The following LTBP2 variants were observed in gnomAD, a reference collection of about 807,000 sequenced individuals.
LTBP2 encodes the protein latent-transforming growth factor beta-binding protein 2.
In LTBP2, 103 loss-of-function variants were observed where a neutral mutation model predicts 210.6. That is an observed-to-expected ratio of 0.49 (90% confidence interval 0.42 to 0.58). The LOEUF is 0.58. LTBP2 is among the 20% of genes least tolerant of loss of function. The pLI is 0.00. For missense variants in LTBP2, 2,313 were observed against 2,494.5 expected (o/e 0.93, Z 1.55); for synonymous variants, 1,007 against 1,015.0 (o/e 0.99, Z 0.15).
chr14:74,571,129 C>G (rs139905554), intron 3 of LTBP2, among the ~76,000 whole-genome samples: 67 of 151,650 alleles, frequency 4.4e-4, no homozygotes, highest in African/African-American at 1.5e-3. Flanking sequence ...GTCAGGAGTT[C>G]GATACCAGCC....
chr14:74,593,361 G>C (rs1174757562), intron 2 of LTBP2, among the ~76,000 whole-genome samples: 1 of 152,198 alleles, frequency 6.6e-6, no homozygotes. Flanking sequence ...CAGGAGGATT[G>C]GTTTGGTTTG....
At chr14:74,579,895 C>T (rs370409068) in intron 3 of LTBP2, among the ~76,000 whole-genome samples, 16 of 152,092 alleles carry the variant, frequency 1.1e-4, no homozygotes, top group South Asian at 2.1e-4. Context: ...CGATTGTAGA[C>T]GTAAAGCAAA....
At chr14:74,540,944 AT>A (rs1555350227) in intron 8 of LTBP2, among the ~76,000 whole-genome samples, 178 of 24,284 alleles carry the variant, frequency 7.3e-3, no homozygotes, top group South Asian at 0.02. Flanking sequence ...ATATATATAT[AT>A]TTTTTATATA....
chr14:74,596,631 G>A (rs1252453277), intron 2 of LTBP2, among the ~76,000 whole-genome samples: 1 of 152,226 alleles, frequency 6.6e-6, no homozygotes, highest in Non-Finnish European at 1.5e-5. Flanking sequence ...GGAGAGCTGT[G>A]ACAGGGCCCT....
At chr14:74,561,823 C>T (rs1350272419) in intron 3 of LTBP2, among the ~76,000 whole-genome samples, 2 of 152,094 alleles carry the variant, frequency 1.3e-5, no homozygotes, top group Non-Finnish European at 2.9e-5. Context: ...AGATAGAATA[C>T]AGACCATATC....
At chr14:74,539,092 A>G (rs1488075920) in intron 8 of LTBP2, among the ~76,000 whole-genome samples, 1 of 152,268 alleles carries the variant, frequency 6.6e-6, no homozygotes, top group Admixed American at 6.5e-5. Flanking sequence ...AAAGAGACCA[A>G]GTGCACATTT....
In LTBP2 at chr14:74,507,188, C is replaced by A; in HGVS notation, c.3898G>T (p.Asp1300Tyr). The A allele has an allele frequency of 1.2e-6, 2 of 1,614,196 alleles. No individual in the cohort carries two copies. Among genetic ancestry groups the A allele is most frequent in the Non-Finnish European group, 1.7e-6 (2 of 1,180,024 alleles). Reference protein sequence around the residue: ...QPGFHMAPNGDCIDIDECAND... With the variant: ...QPGFHMAPNGYCIDIDECAND... ...CTCCCTCCCTACTCACCAATGCAGT[C>A]TCCGTTCGGGGCCATGTGGAAGCCA... Residue 1300 changes from aspartate to tyrosine, a missense_variant, in exon 26 of 36, where the codon GAC (aspartate) becomes TAC (tyrosine). Coordinates refer to ENST00000261978, the MANE Select transcript of LTBP2 (RefSeq NM_000428.3).
At chr14:74,611,408 G>A (rs2088605573) in intron 1 of LTBP2, 43 bp downstream of exon 1, 5 of 1,417,724 alleles carry the variant, frequency 3.5e-6, no homozygotes, top group African/African-American at 1.5e-5. Flanking sequence ...AATGAGCCCT[G>A]GCTCCCCTCT....
intron 15 of LTBP2, 109 bp downstream of exon 15, chr14:74,525,015 G>T: frequency 1.8e-6 from 1 of 544,606 alleles, no homozygotes; most frequent in East Asian, 3.1e-5. Context: ...TTACCTAGTT[G>T]GAAAGGTGAG....
In LTBP2 at chr14:74,500,249, C is replaced by T. The variant is rs1340759970; in HGVS notation, c.*635G>A. 4.2e-6 allele frequency: 1 copy of T among 237,212 alleles called. No homozygotes were observed. The highest frequency in any genetic ancestry group is 8.3e-6 in the Non-Finnish European group (1 of 120,446). 14.7% of individuals were successfully genotyped at this position (237,212 alleles called of 1,614,324 possible). ...CTTCTTCATTTGTGTCTCTTACATT[C>T]AACAAGCTAATATCAGCCTTGCTTC... is the stretch of plus-strand genomic sequence containing the variant. On this transcript the variant is annotated 3_prime_UTR_variant, in exon 36 of 36. Coordinates refer to ENST00000261978, the MANE Select transcript of LTBP2 (RefSeq NM_000428.3).
intron 18 of LTBP2, among the ~76,000 whole-genome samples, chr14:74,515,692 A>T (rs2087125749): frequency 6.6e-6 from 1 of 152,154 alleles, no homozygotes; most frequent in South Asian, 2.1e-4. Context: ...TGAGGACCTA[A>T]CCCAGACACC....
At chr14:74,526,238 T>C in intron 13 of LTBP2, 124 bp from the exon 14 acceptor site, 1 of 953,570 alleles carries the variant, frequency 1.0e-6, no homozygotes. Flanking sequence ...TTTCATTCAT[T>C]CCAGGTATTG....
Position 74,552,178 on chromosome 14 carries a change from G to A in LTBP2, c.1399+9C>T, listed in dbSNP as rs192136515. 103 of 1,589,588 alleles carry A rather than the reference G, an allele frequency of 6.5e-5. 1 individual carries two copies. Among genetic ancestry groups the A allele is most frequent in the Middle Eastern group, 3.7e-4 (2 of 5,396 alleles). On this transcript the variant is annotated intron_variant, in intron 6 of 35. Coordinates refer to ENST00000261978, the MANE Select transcript of LTBP2 (RefSeq NM_000428.3). ...AGGGTCCCGCCGGCCCAGCTGTGCC[G>A]GCACTCACCCAGCTGGTTGGAGAGC... is the stretch of plus-strand genomic sequence containing the variant.
At chr14:74,514,418 A>G (rs2087109446) in intron 18 of LTBP2, among the ~76,000 whole-genome samples, 1 of 152,192 alleles carries the variant, frequency 6.6e-6, no homozygotes, top group Non-Finnish European at 1.5e-5. Context: ...CAAAGGGCCC[A>G]TGGCAACAAT....
At chr14:74,525,273 C>T in intron 14 of LTBP2, 48 bp from the exon 15 acceptor site, 1 of 1,104,216 alleles carries the variant, frequency 9.1e-7, no homozygotes, top group Non-Finnish European at 1.2e-6. Flanking sequence ...CCTTGGCTGG[C>T]CATGGCCCTT....
At chr14:74,538,045 G>A (rs1446520234) in intron 8 of LTBP2, among the ~76,000 whole-genome samples, 2 of 152,172 alleles carry the variant, frequency 1.3e-5, no homozygotes, top group African/African-American at 2.4e-5. Flanking sequence ...ATGAGCCACC[G>A]CACCCAGCCT....
chr14:74,570,337 C>G (rs1274294215), intron 3 of LTBP2, among the ~76,000 whole-genome samples: 1 of 152,152 alleles, frequency 6.6e-6, no homozygotes, highest in African/African-American at 2.4e-5. Context: ...GCTTATTGAA[C>G]AGCAAACACA....
rs1377734470 is a variant in LTBP2 at position 74,509,157 on chromosome 14, G to GC, written c.3403+80dup. On this transcript the variant is annotated intron_variant, in intron 22 of 35. Transcript: ENST00000261978. Reference sequence around the variant, plus strand: ...GATGGCAGCTCCTCCAGCCTCAGCAGCCCCCCACCTGCTGGGCTTCACCAT... The same window carrying GC: ...GATGGCAGCTCCTCCAGCCTCAGCAGCCCCCCCACCTGCTGGGCTTCACCAT... 12 of 1,605,028 alleles carry GC rather than the reference G, an allele frequency of 7.5e-6. No homozygotes were observed. The East Asian group carries it at 1.6e-4, about 21-fold the overall frequency.
chr14:74,551,445 GC>G, intron 6 of LTBP2, 95 bp from the exon 7 acceptor site: 1 of 1,242,820 alleles, frequency 8.0e-7, no homozygotes, highest in Non-Finnish European at 1.1e-6. Flanking sequence ...GGCCAGGCAG[GC>G]CACTGGCTAT....
Sources: gnomAD v4.1 joint callset for allele counts (sites outside exome capture counted in the v4.1 genomes callset) on GRCh38, gnomAD v4.1.1 for gene constraint, MANE v1.5 for transcripts, NCBI Gene and HGNC (gene_info 2026-07-23, HGNC 2026-07-21) for gene names.